ECM2: variants seen among roughly 807,000 people sequenced by gnomAD.
The protein encoded by ECM2 is extracellular matrix protein 2, female organ and adipocyte specific.
A neutral mutation model predicts 67.5 loss-of-function variants in ECM2; 57 were observed. The observed-to-expected ratio is 0.84, with a 90% CI of 0.68 to 1.05. The LOEUF is 1.05. Among genes scored for constraint, ECM2 ranks in the 50% least tolerant of loss-of-function variants. ECM2 has a pLI of 0.00. For missense variants in ECM2, 741 were observed against 822.8 expected, an observed-to-expected ratio of 0.90 and a Z score of 1.22; for synonymous variants, 258 against 294.5, an observed-to-expected ratio of 0.88 and a Z score of 1.27.
At chr9:92,497,780 G>T (rs527343910) in intron 9 of ECM2, among the ~76,000 whole-genome samples, 1 of 151,750 alleles carries the variant, frequency 6.6e-6, no homozygotes, top group African/African-American at 2.4e-5. Context: ...TGGGTCATGG[G>T]GGGCAAGTCA....
At chr9:92,515,249 T>C (rs749677524) in intron 3 of ECM2, 46 bp from the exon 4 acceptor site, 11 of 1,425,134 alleles carry the variant, frequency 7.7e-6, no homozygotes, top group Non-Finnish European at 1.0e-5. Flanking sequence ...GTTGATGATA[T>C]TAATAAAAGA....
chr9:92,528,344 A>G (rs1286597824), intron 1 of ECM2, among the ~76,000 whole-genome samples: 1 of 152,152 alleles, frequency 6.6e-6, no homozygotes, highest in Non-Finnish European at 1.5e-5. Flanking sequence ...AGTCTCCATA[A>G]GTTGAAAAGA....
chr9:92,535,850 T>C, intron 1 of ECM2, 83 bp downstream of exon 1: 1 of 367,354 alleles, frequency 2.7e-6, no homozygotes, highest in East Asian at 7.2e-5. Context: ...TACTCAAGAG[T>C]TAAACAGTTG....
chr9:92,495,854 C>G lies in ECM2; in HGVS notation c.*461G>C. On this transcript the variant is annotated 3_prime_UTR_variant, in exon 10 of 10. Coordinates refer to ENST00000344604, the MANE Select transcript of ECM2 (RefSeq NM_001393.4). ...AGCACAGGACCTTATAAGAAATTAA[C>G]AAATTATTGTTTTAATAATAAACAA... 1.0e-6 allele frequency: 1 copy of G among 975,102 alleles called. No individual in the cohort carries two copies. The highest frequency in any genetic ancestry group is 1.2e-6 in the Non-Finnish European group (1 of 820,578). 60.4% of individuals were successfully genotyped at this position (975,102 alleles called of 1,614,324 possible). A position where few individuals can be genotyped will look rare whatever the true frequency, so the allele number is the denominator to read the frequency against.
chr9:92,514,741 C>T lies in ECM2; in HGVS notation c.944G>A (p.Arg315His), dbSNP rs560017678. 2.7e-5 allele frequency: 44 copies of T among 1,614,078 alleles called. No individual in the cohort carries two copies. Among genetic ancestry groups the T allele is most frequent in the Middle Eastern group, 1.7e-4 (1 of 6,060 alleles). Residue 315 changes from arginine to histidine, a missense_variant, in exon 4 of 10, where the codon CGC becomes CAC. Physicochemically the swap from Arg to His is conservative, Grantham distance 29. Transcript: ENST00000344604. ...GGACAGAGAGCACCCGCTTGGCAGGCGCAGTGTGCCTCTGGGAGGAGCAGG... is the reference window on the plus strand; with the variant it reads ...GGACAGAGAGCACCCGCTTGGCAGGTGCAGTGTGCCTCTGGGAGGAGCAGG... The part of the protein sequence containing the change: ...PLPAPPRGTL[R>H]LPSGCSLSYR...
the ECM2 span, among the ~76,000 whole-genome samples, chr9:92,545,508 A>C: frequency 6.7e-5 from 10 of 149,284 alleles, no homozygotes; most frequent in Non-Finnish European, 1.5e-4. Context: ...CCGGACCTGC[A>C]GCCCGCCAAG....
intron 1 of ECM2, among the ~76,000 whole-genome samples, chr9:92,524,110 C>T (rs1053519814): frequency 3.9e-5 from 6 of 152,152 alleles, no homozygotes; most frequent in East Asian, 1.9e-4. Flanking sequence ...TTTGCTAAGA[C>T]GTTCTGTGAC....
At chr9:92,498,090 G>A (rs369598539) in intron 9 of ECM2, among the ~76,000 whole-genome samples, 7 of 151,936 alleles carry the variant, frequency 4.6e-5, no homozygotes, top group African/African-American at 1.7e-4. Flanking sequence ...ACCCAGCCTT[G>A]GGCATTACTT....
chr9:92,516,265 A>G (rs1480372784), intron 3 of ECM2, among the ~76,000 whole-genome samples: 1 of 151,958 alleles, frequency 6.6e-6, no homozygotes, highest in Non-Finnish European at 1.5e-5. Context: ...GGGTTTCACC[A>G]TGTTGACCAG....
chr9:92,494,045 C>T (rs1386008030), downstream of ECM2: 1 of 1,591,854 alleles, frequency 6.3e-7, no homozygotes, highest in South Asian at 1.1e-5. Flanking sequence ...ACAGCACTTG[C>T]CTGCTTACTT....
At position 92,517,834 on chromosome 9, in the gene ECM2, T is replaced by A. The variant is rs766267096; in HGVS notation, c.334A>T (p.Asn112Tyr). ...GGCTCAGGCGACCACACAGCTTTGTTGTACATGGTTATGCCCTTTACCAAA... is the reference window on the plus strand; with the variant it reads ...GGCTCAGGCGACCACACAGCTTTGTAGTACATGGTTATGCCCTTTACCAAA... ...HCLVKGITMY[N>Y]KAVWSPEPCT... Residue 112 changes from asparagine (N) to tyrosine (Y), a missense_variant, in exon 3 of 10, where the codon AAC becomes TAC. By Grantham distance (143) the Asn-to-Tyr change is moderately radical. Coordinates refer to ENST00000344604, the MANE Select transcript of ECM2 (RefSeq NM_001393.4). 1.9e-6 allele frequency: 3 copies of A among 1,614,076 alleles called. No individual in the cohort carries two copies. In the Admixed American group the frequency reaches 5.0e-5, roughly 27 times the overall value.
chr9:92,501,230 C>G (rs1365720672), intron 8 of ECM2, among the ~76,000 whole-genome samples, 177 bp from the exon 9 acceptor site: 1 of 152,154 alleles, frequency 6.6e-6, no homozygotes, highest in Non-Finnish European at 1.5e-5. Context: ...TTGCACCAAG[C>G]TGCATGTCCT....
chr9:92,493,852 C>A (rs916661501), downstream of ECM2: 20 of 311,976 alleles, frequency 6.4e-5, no homozygotes, highest in East Asian at 9.9e-4. Context: ...TCATTTTTTT[C>A]TTGGGATTCT....
At chr9:92,518,000 A>T in intron 2 of ECM2, 125 bp from the exon 3 acceptor site, 1 of 1,101,792 alleles carries the variant, frequency 9.1e-7, no homozygotes, top group Non-Finnish European at 1.3e-6. Context: ...ATGTGCATTC[A>T]TGTATAGGGT....
At chr9:92,552,728 A>G in the ECM2 span, among the ~76,000 whole-genome samples, 2 of 152,174 alleles carry the variant, frequency 1.3e-5, no homozygotes, top group African/African-American at 2.4e-5. Flanking sequence ...TTCGTTGTAG[A>G]TTCTGGTTAT....
the ECM2 span, among the ~76,000 whole-genome samples, chr9:92,556,722 G>A: frequency 2.0e-5 from 3 of 152,180 alleles, no homozygotes; most frequent in Non-Finnish European, 4.4e-5. Context: ...GTGTATGTGA[G>A]TCCTTATGTG....
chr9:92,498,474 A>G (rs1846486233), intron 9 of ECM2, among the ~76,000 whole-genome samples: 1 of 152,034 alleles, frequency 6.6e-6, no homozygotes, highest in African/African-American at 2.4e-5. Context: ...TTAAAAAAAG[A>G]CAATCATAGA....
chr9:92,519,111 C>T (rs1847906915), intron 2 of ECM2, among the ~76,000 whole-genome samples: 1 of 152,158 alleles, frequency 6.6e-6, no homozygotes, highest in African/African-American at 2.4e-5. Flanking sequence ...GAGCCTCTCA[C>T]ATTAGTCCCC....
At chr9:92,555,769 A>G in the ECM2 span, among the ~76,000 whole-genome samples, 3 of 151,584 alleles carry the variant, frequency 2.0e-5, no homozygotes, top group African/African-American at 7.3e-5. Flanking sequence ...AGTTATTTGG[A>G]TTTTCTCTCT....
Sources: allele counts gnomAD v4.1 joint callset (sites outside exome capture counted in the v4.1 genomes callset), GRCh38; gene constraint gnomAD v4.1.1; transcripts MANE v1.5; gene names NCBI Gene and HGNC (gene_info 2026-07-23, HGNC 2026-07-21).